Variants in EFR3A observed in about 807,000 individuals in gnomAD.
The protein encoded by EFR3A is EFR3 homolog A, also known as protein EFR3 homolog A.
EFR3A carries 76 observed loss-of-function variants against 104.4 expected under a neutral mutation model. That is an observed-to-expected ratio of 0.73 (90% confidence interval 0.60 to 0.88). The LOEUF (loss-of-function observed/expected upper bound fraction) is 0.88. EFR3A is among the 40% of genes least tolerant of loss of function. EFR3A has a pLI of 0.00. For missense variants in EFR3A, 985 were observed against 1,012.5 expected, an observed-to-expected ratio of 0.97 and a Z score of 0.37; for synonymous variants, 330 against 330.0, an observed-to-expected ratio of 1.00 and a Z score of 0.00.
At chr8:131,953,687 G>C in intron 5 of EFR3A, 131 bp from the exon 6 acceptor site, 1 of 897,038 alleles carries the variant, frequency 1.1e-6, no homozygotes, top group Non-Finnish European at 1.5e-6. Context: ...TTAGACTTGT[G>C]TGTTATTTTA....
At chr8:131,942,884 G>A (rs980581439) in intron 2 of EFR3A, among the ~76,000 whole-genome samples, 1 of 152,050 alleles carries the variant, frequency 6.6e-6, no homozygotes, top group African/African-American at 2.4e-5. Flanking sequence ...TATATGATTT[G>A]TAAACTGTAT....
chr8:131,911,409 G>A (rs1816504735), intron 1 of EFR3A, among the ~76,000 whole-genome samples: 1 of 152,158 alleles, frequency 6.6e-6, no homozygotes, highest in Admixed American at 6.5e-5. Context: ...AAGAGAGTTA[G>A]TTTAAGAATT....
At chr8:132,003,137 A>G in intron 21 of EFR3A, 99 bp from the exon 22 acceptor site, 1 of 954,040 alleles carries the variant, frequency 1.0e-6, no homozygotes, top group Non-Finnish European at 1.6e-6. Context: ...AATCAGCTTA[A>G]TAGTCACAAT....
intron 1 of EFR3A, among the ~76,000 whole-genome samples, chr8:131,920,506 C>G (rs760267346): frequency 1.3e-5 from 2 of 152,114 alleles, no homozygotes; most frequent in African/African-American, 4.8e-5. Flanking sequence ...AAGATAACTT[C>G]TAGAAGTGGT....
chr8:131,905,823 C>G (rs1461120774), intron 1 of EFR3A, among the ~76,000 whole-genome samples: 1 of 152,144 alleles, frequency 6.6e-6, no homozygotes, highest in African/African-American at 2.4e-5. Flanking sequence ...GTTGAGGCTT[C>G]AAGTAGAATT....
Position 132,011,406 on chromosome 8 carries a change from C to G in EFR3A, c.*511C>G, listed in dbSNP as rs1822338731. 1 of 985,700 alleles carries G rather than the reference C, an allele frequency of 1.0e-6. No individual in the cohort carries two copies. The highest frequency in any genetic ancestry group is 1.7e-5 in the African/African-American group (1 of 57,190). The allele number at this position is 985,700 out of a possible 1,614,324, so 61.1% of individuals were successfully genotyped here. A position where few individuals can be genotyped will look rare whatever the true frequency, so the allele number is the denominator to read the frequency against. On this transcript the variant is annotated 3_prime_UTR_variant, in exon 23 of 23. Coordinates refer to ENST00000254624, the MANE Select transcript of EFR3A (RefSeq NM_015137.6). ...TGCTTTAGATAAGCTGGGATAGGCA[C>G]CTTGCTATTCAGTTACTATAATAAT...
At chr8:131,921,090 T>C (rs1816997334) in intron 1 of EFR3A, among the ~76,000 whole-genome samples, 1 of 152,156 alleles carries the variant, frequency 6.6e-6, no homozygotes, top group Non-Finnish European at 1.5e-5. Flanking sequence ...GAAAAACACT[T>C]GGATTAGAAT....
At chr8:131,980,896 A>G (rs1386931366) in intron 14 of EFR3A, among the ~76,000 whole-genome samples, 1 of 151,936 alleles carries the variant, frequency 6.6e-6, no homozygotes, top group African/African-American at 2.4e-5. Context: ...TTCCACATAT[A>G]AGTGAGATTA....
At chr8:131,963,939 T>C (rs955235989) in intron 8 of EFR3A, among the ~76,000 whole-genome samples, 1 of 152,154 alleles carries the variant, frequency 6.6e-6, no homozygotes, top group Non-Finnish European at 1.5e-5. Flanking sequence ...ATAAATGTAA[T>C]CCAGCATATA....
intron 14 of EFR3A, among the ~76,000 whole-genome samples, chr8:131,983,643 C>T (rs1032855985): frequency 2.0e-5 from 3 of 152,118 alleles, no homozygotes; most frequent in African/African-American, 4.8e-5. Flanking sequence ...TTCAGGGACT[C>T]CATGCCAAAA....
rs2130834565 is a variant in EFR3A, at chr8:132,013,271, T to A, written c.*2376T>A. 6.5e-6 allele frequency: 1 copy of A among 152,760 alleles called. No individual in the cohort carries two copies. The highest frequency in any genetic ancestry group is 2.1e-4 in the South Asian group (1 of 4,824). 9.5% of individuals were successfully genotyped at this position (152,760 alleles called of 1,614,324 possible). ...TAACATTTAAATGTTCCTCCTGTAC[T>A]TGTGTTGTCTGTGACCGCTTATAGA... On this transcript the variant is annotated 3_prime_UTR_variant, in exon 23 of 23. Transcript: ENST00000254624.
intron 6 of EFR3A, among the ~76,000 whole-genome samples, chr8:131,954,887 T>TG (rs1028833137): frequency 2.0e-5 from 3 of 152,074 alleles, no homozygotes; most frequent in South Asian, 2.1e-4. Context: ...GATAACTCTA[T>TG]GGTAACACAC....
intron 6 of EFR3A, 76 bp downstream of exon 6, chr8:131,954,043 T>A: frequency 3.7e-6 from 5 of 1,348,836 alleles, no homozygotes; most frequent in Non-Finnish European, 4.9e-6. Flanking sequence ...GATAAGAATG[T>A]TTTGTCTTTA....
At chr8:131,968,879 G>A (rs911344170) in intron 9 of EFR3A, among the ~76,000 whole-genome samples, 3 of 152,180 alleles carry the variant, frequency 2.0e-5, no homozygotes, top group African/African-American at 7.2e-5. Flanking sequence ...AATGTATGGT[G>A]TTAGTTTAGA....
intron 7 of EFR3A, among the ~76,000 whole-genome samples, chr8:131,957,174 T>C (rs1819046160): frequency 6.6e-6 from 1 of 152,162 alleles, no homozygotes; most frequent in African/African-American, 2.4e-5. Context: ...TTAAATGCCC[T>C]CTGCAAGTGA....
intron 19 of EFR3A, among the ~76,000 whole-genome samples, chr8:132,000,586 G>C (rs536715368): frequency 2.3e-4 from 35 of 152,272 alleles, no homozygotes; most frequent in African/African-American, 8.4e-4. Flanking sequence ...CAAGAATGCT[G>C]GCCTTCTAAC....
chr8:131,933,807 T>G (rs895938746), intron 1 of EFR3A, among the ~76,000 whole-genome samples: 2 of 146,860 alleles, frequency 1.4e-5, no homozygotes, highest in East Asian at 2.0e-4. Flanking sequence ...AAAGGTGCTG[T>G]TTTTTTTTTT....
chr8:131,991,227 A>G (rs1391543673), intron 18 of EFR3A, among the ~76,000 whole-genome samples: 1 of 152,072 alleles, frequency 6.6e-6, no homozygotes, highest in South Asian at 2.1e-4. Context: ...CTATCACGAG[A>G]CTAATGTGGG....
chr8:131,912,411 A>G (rs1816553069), intron 1 of EFR3A, among the ~76,000 whole-genome samples: 3 of 152,224 alleles, frequency 2.0e-5, no homozygotes, highest in Admixed American at 6.5e-5. Flanking sequence ...TATGAATCCT[A>G]TGTGGTTAGA....
Sources: gnomAD v4.1 joint callset for allele counts (sites outside exome capture counted in the v4.1 genomes callset) on GRCh38, gnomAD v4.1.1 for gene constraint, MANE v1.5 for transcripts, NCBI Gene and HGNC (gene_info 2026-07-23, HGNC 2026-07-21) for gene names.